Variants in STARD6 observed in about 807,000 individuals in gnomAD.
The protein encoded by STARD6 is stAR-related lipid transfer protein 6.
In STARD6, 21 loss-of-function variants were observed where a neutral mutation model predicts 22.3. That is an observed-to-expected ratio of 0.94 (90% CI 0.67 to 1.35). The LOEUF is 1.35. Among genes scored for constraint, STARD6 ranks in the 40% most tolerant of loss-of-function variants. STARD6 has a pLI of 0.00. For synonymous variants in STARD6, 80 were observed against 88.1 expected, an observed-to-expected ratio of 0.91 and a Z score of 0.52; for missense variants, 269 against 266.9, an observed-to-expected ratio of 1.01 and a Z score of -0.05.
intron 5 of STARD6, among the ~76,000 whole-genome samples, chr18:54,334,565 T>C (rs2088892760): frequency 6.6e-6 from 1 of 152,088 alleles, no homozygotes; most frequent in South Asian, 2.1e-4. Flanking sequence ...GACTAAACAC[T>C]GCCAAACTCT....
At chr18:54,334,806 A>C (rs1278224015) in intron 5 of STARD6, among the ~76,000 whole-genome samples, 1 of 152,110 alleles carries the variant, frequency 6.6e-6, no homozygotes, top group Non-Finnish European at 1.5e-5. Context: ...TTATCTGGTA[A>C]GTTTTAAAAA....
At chr18:54,336,366 G>A (rs941638297) in intron 5 of STARD6, among the ~76,000 whole-genome samples, 1 of 152,120 alleles carries the variant, frequency 6.6e-6, no homozygotes, top group African/African-American at 2.4e-5. Flanking sequence ...TGGATCATGG[G>A]GGTGGTTTCC....
At position 54,324,567 on chromosome 18, in the gene STARD6, A is replaced by G. The variant is rs372738770; in HGVS notation, c.*125T>C. ...TTATTTTTATGAACTATCTTCAGCC[A>G]TGTGTACAAGAATACTGTCTAGAAT... On this transcript the variant is annotated 3_prime_UTR_variant, in exon 8 of 8. Transcript: ENST00000307844. The G allele has an allele frequency of 1.7e-5, 14 of 814,256 alleles. No individual in the cohort carries two copies. The highest frequency in any genetic ancestry group is 1.0e-4 in the South Asian group (4 of 38,816). The allele number at this position is 814,256 out of a possible 1,614,324, so 50.4% of individuals were successfully genotyped here. A position where few individuals can be genotyped will look rare whatever the true frequency, so the allele number is the denominator to read the frequency against.
Position 54,354,466 on chromosome 18 carries a change from T to A in STARD6, c.90+18A>T. Reference sequence around the variant, plus strand: ...TTAAAAACAAAGTCTTGAAACATAATTTAACTTATTTTCTTACTGAAGTTT... The same window carrying A: ...TTAAAAACAAAGTCTTGAAACATAAATTAACTTATTTTCTTACTGAAGTTT... On this transcript the variant is annotated intron_variant, in intron 3 of 7. Transcript: ENST00000307844. The A allele has an allele frequency of 1.3e-6, 2 of 1,570,520 alleles. No homozygotes were observed. The highest frequency in any genetic ancestry group is 1.7e-6 in the Non-Finnish European group (2 of 1,148,448).
rs866506947 is a variant in STARD6, at chr18:54,326,450, G to T, written c.480-1575C>A. On this transcript the variant is annotated intron_variant, in intron 7 of 7. Coordinates refer to ENST00000307844, the MANE Select transcript of STARD6 (RefSeq NM_139171.2). ...GGGTTCAAACGATTCTCCTGCTTCA[G>T]CCTCCCGAGTAGCTGGGACTACAGG... Among the ~76,000 whole-genome samples the T allele has an allele frequency of 6.6e-5, 10 of 150,868 alleles. No individual in the cohort carries two copies. In the South Asian group the frequency reaches 1.7e-3, roughly 26 times the overall value.
chr18:54,344,843 A>G (rs12326990), intron 4 of STARD6, among the ~76,000 whole-genome samples: 54,368 of 152,054 alleles, frequency 0.36, 11,289 homozygotes, highest in East Asian at 0.68. Flanking sequence ...GACAAAATCC[A>G]ACACCCATTC....
At chr18:54,332,128 A>C (rs1368887254) in intron 5 of STARD6, among the ~76,000 whole-genome samples, 1 of 152,224 alleles carries the variant, frequency 6.6e-6, no homozygotes, top group Non-Finnish European at 1.5e-5. Flanking sequence ...AGATTAAATC[A>C]CATTCACATC....
chr18:54,326,170 G>A (rs1568165032), intron 7 of STARD6, among the ~76,000 whole-genome samples: 1 of 151,926 alleles, frequency 6.6e-6, no homozygotes, highest in Non-Finnish European at 1.5e-5. Flanking sequence ...CACACTAAGT[G>A]GTACTATGGT....
intron 5 of STARD6, among the ~76,000 whole-genome samples, chr18:54,336,453 T>A (rs890607399): frequency 6.6e-6 from 1 of 152,220 alleles, no homozygotes; most frequent in Non-Finnish European, 1.5e-5. Context: ...ATAAGTTTCC[T>A]GAGACCTCCC....
intron 4 of STARD6, among the ~76,000 whole-genome samples, chr18:54,348,094 G>A (rs186370102): frequency 6.6e-6 from 1 of 152,148 alleles, no homozygotes; most frequent in African/African-American, 2.4e-5. Flanking sequence ...TGCTATGATT[G>A]TGAGACCTCC....
chr18:54,324,940 GT>G (rs1298007297), intron 7 of STARD6, 65 bp from the exon 8 acceptor site: 2 of 1,325,832 alleles, frequency 1.5e-6, no homozygotes, highest in Non-Finnish European at 9.9e-7. Flanking sequence ...GACTTTACAG[GT>G]TTTTGGAGAG....
chr18:54,346,859 A>G (rs976843468), intron 4 of STARD6, among the ~76,000 whole-genome samples: 1 of 152,112 alleles, frequency 6.6e-6, no homozygotes, highest in Non-Finnish European at 1.5e-5. Flanking sequence ...ATAGGCAAAT[A>G]TAAAAGGCAG....
intron 4 of STARD6, among the ~76,000 whole-genome samples, chr18:54,348,182 C>T (rs1457720450): frequency 3.3e-5 from 5 of 152,046 alleles, no homozygotes; most frequent in Admixed American, 6.6e-5. Context: ...TTATCAGCAG[C>T]GTGAAAATGA....
chr18:54,344,025 G>T (rs2089011771), intron 4 of STARD6, among the ~76,000 whole-genome samples: 1 of 48,178 alleles, frequency 2.1e-5, no homozygotes, highest in Non-Finnish European at 3.5e-5. Flanking sequence ...CGCCCCTACT[G>T]GGAAGTGAGG....
intron 5 of STARD6, among the ~76,000 whole-genome samples, chr18:54,334,007 A>G (rs2088888077): frequency 6.6e-6 from 1 of 152,190 alleles, no homozygotes; most frequent in Non-Finnish European, 1.5e-5. Flanking sequence ...ACTCATTTTT[A>G]AAAACAGCTT....
intron 4 of STARD6, among the ~76,000 whole-genome samples, chr18:54,346,677 G>T (rs1054321755): frequency 1.3e-5 from 2 of 151,988 alleles, no homozygotes; most frequent in East Asian, 3.8e-4. Flanking sequence ...CTGACGAATA[G>T]ATAAAATGTG....
At chr18:54,327,751 C>T (rs2088835748) in intron 7 of STARD6, among the ~76,000 whole-genome samples, 1 of 151,966 alleles carries the variant, frequency 6.6e-6, no homozygotes, top group Non-Finnish European at 1.5e-5. Flanking sequence ...AGGGAGACTA[C>T]CCTTCCAACA....
chr18:54,346,937 A>G lies in STARD6; in HGVS notation c.140+7117T>C, dbSNP rs190044433. Among the ~76,000 whole-genome samples the G allele has an allele frequency of 3.3e-5, 5 of 152,070 alleles. No individual in the cohort carries two copies. In the South Asian group the frequency reaches 1.0e-3, roughly 31 times the overall value. On this transcript the variant is annotated intron_variant, in intron 4 of 7. Transcript: ENST00000307844. ...TGGGAAGTAAATGCTAGTAGGCACA[A>G]GTTTCTTTTTTGGGGAGGAGAATGT... is the stretch of plus-strand genomic sequence containing the variant.
intron 3 of STARD6, 148 bp from the exon 4 acceptor site, chr18:54,354,251 T>C (rs1310814775): frequency 1.6e-6 from 1 of 624,842 alleles, no homozygotes; most frequent in African/African-American, 1.9e-5. Context: ...AGGGTCTCAC[T>C]ATGTTGCCCA....
Sources: allele counts gnomAD v4.1 joint callset (sites outside exome capture counted in the v4.1 genomes callset), GRCh38; gene constraint gnomAD v4.1.1; transcripts MANE v1.5; gene names NCBI Gene and HGNC (gene_info 2026-07-23, HGNC 2026-07-21).